STXBP5L: variants seen among roughly 807,000 people sequenced by gnomAD.
STXBP5L encodes the protein syntaxin binding protein 5L.
In STXBP5L, 65 loss-of-function variants were observed where a neutral mutation model predicts 144.5. That is an observed-to-expected ratio of 0.45 (90% CI 0.37 to 0.55). The LOEUF (loss-of-function observed/expected upper bound fraction) is 0.55, where lower values mean the gene tolerates loss of function less well. Among genes scored for constraint, STXBP5L ranks in the 20% least tolerant of loss-of-function variants. STXBP5L has a pLI of 0.00. For missense variants in STXBP5L, 1,298 were observed against 1,405.5 expected (o/e 0.92, Z 1.22); for synonymous variants, 505 against 469.6 (o/e 1.08, Z -0.97).
chr3:121,212,199 A>T (rs535077472), intron 10 of STXBP5L, among the ~76,000 whole-genome samples: 1 of 152,030 alleles, frequency 6.6e-6, no homozygotes, highest in Non-Finnish European at 1.5e-5. Flanking sequence ...CTTTTGCTGT[A>T]CAGAAGATCT....
At chr3:120,960,245 A>G (rs1203748490) in intron 3 of STXBP5L, among the ~76,000 whole-genome samples, 1 of 152,210 alleles carries the variant, frequency 6.6e-6, no homozygotes, top group African/African-American at 2.4e-5. Flanking sequence ...CAATCATTAA[A>G]AAGTCAGGAA....
chr3:121,092,203 A>G (rs958845216), intron 5 of STXBP5L, among the ~76,000 whole-genome samples: 4 of 151,924 alleles, frequency 2.6e-5, no homozygotes, highest in South Asian at 2.1e-4. Flanking sequence ...GTCAGGTAGC[A>G]TGATGCCTCC....
chr3:121,330,192 C>A (rs1559982314), intron 20 of STXBP5L, among the ~76,000 whole-genome samples: 1 of 152,182 alleles, frequency 6.6e-6, no homozygotes. Flanking sequence ...CTTCTGAGTG[C>A]AGACTGCTCA....
At chr3:120,954,820 TG>T in intron 2 of STXBP5L, 119 bp from the exon 3 acceptor site, 1 of 659,446 alleles carries the variant, frequency 1.5e-6, no homozygotes, top group Non-Finnish European at 2.4e-6. Flanking sequence ...TAATGTTTGG[TG>T]GTAGCTTTTT....
At chr3:121,006,339 T>C (rs983274230) in intron 3 of STXBP5L, among the ~76,000 whole-genome samples, 1 of 152,132 alleles carries the variant, frequency 6.6e-6, no homozygotes, top group South Asian at 2.1e-4. Flanking sequence ...TCTTTGTTGG[T>C]TTAAAGTCTG....
At chr3:120,927,632 G>A (rs923425954) in intron 2 of STXBP5L, among the ~76,000 whole-genome samples, 1 of 152,216 alleles carries the variant, frequency 6.6e-6, no homozygotes, top group Non-Finnish European at 1.5e-5. Flanking sequence ...ATTGGTGTGA[G>A]TGGGATCACA....
chr3:120,953,057 C>T (rs1038639199), intron 2 of STXBP5L, among the ~76,000 whole-genome samples: 1 of 151,984 alleles, frequency 6.6e-6, no homozygotes, highest in Non-Finnish European at 1.5e-5. Context: ...GCCTTGACCT[C>T]CCAAAGTGCT....
At chr3:120,953,467 T>C (rs1187570584) in intron 2 of STXBP5L, among the ~76,000 whole-genome samples, 2 of 151,306 alleles carry the variant, frequency 1.3e-5, no homozygotes, top group Non-Finnish European at 2.9e-5. Flanking sequence ...TAGCTGGGAC[T>C]GCAGGTGTGC....
chr3:121,288,808 T>TA lies in STXBP5L; in HGVS notation c.2110+8853dup, dbSNP rs572387608. Among the ~76,000 whole-genome samples the TA allele has an allele frequency of 2.0e-5, 3 of 152,334 alleles. No homozygotes were observed. The South Asian group carries it at 6.2e-4, about 32-fold the overall frequency. ...GAAGGTTGTCTGTATACTCTGTTGA[T>TA]AGTTTTTATAGCTGTGCTCAAGCTA... is the stretch of plus-strand genomic sequence containing the variant. On this transcript the variant is annotated intron_variant, in intron 19 of 26. Transcript: ENST00000471454.
rs528967260 is a variant in STXBP5L, at chr3:121,316,609, C to T, written c.2111-1866C>T. On this transcript the variant is annotated intron_variant, in intron 19 of 26. Coordinates refer to ENST00000471454, the MANE Select transcript of STXBP5L (RefSeq NM_001308330.2). ...CTAATTATATTGGTAGGTGGGAAAACGATAATTTATATAAAGTATTTAGCG... is the reference window on the plus strand; with the variant it reads ...CTAATTATATTGGTAGGTGGGAAAATGATAATTTATATAAAGTATTTAGCG... Among the ~76,000 whole-genome samples the T allele has an allele frequency of 1.3e-4, 20 of 152,054 alleles. No individual in the cohort carries two copies. In the East Asian group the frequency reaches 1.4e-3, roughly 10 times the overall value.
intron 3 of STXBP5L, among the ~76,000 whole-genome samples, chr3:121,034,962 T>C (rs74873059): frequency 0.12 from 18,265 of 152,234 alleles, 1,155 homozygotes; most frequent in Non-Finnish European, 0.14. Flanking sequence ...ATTTCTCTAA[T>C]GAATAGTGTT....
chr3:120,957,391 T>C (rs936313597), intron 3 of STXBP5L, among the ~76,000 whole-genome samples: 1 of 152,034 alleles, frequency 6.6e-6, no homozygotes, highest in Non-Finnish European at 1.5e-5. Context: ...TGATTCCCAC[T>C]TGATAATGAT....
intron 3 of STXBP5L, among the ~76,000 whole-genome samples, chr3:121,004,962 G>T (rs919494421): frequency 4.6e-5 from 7 of 152,058 alleles, no homozygotes; most frequent in Middle Eastern, 3.2e-3. Context: ...CCAGTATTTT[G>T]TTGAGGATTT....
chr3:121,284,885 G>A (rs1219316348), intron 19 of STXBP5L, among the ~76,000 whole-genome samples: 1 of 152,074 alleles, frequency 6.6e-6, no homozygotes, highest in Non-Finnish European at 1.5e-5. Flanking sequence ...TTTCCTAAAA[G>A]TCTTCTCTGA....
chr3:121,308,915 A>C (rs1459709594), intron 19 of STXBP5L, among the ~76,000 whole-genome samples: 1 of 152,178 alleles, frequency 6.6e-6, no homozygotes, highest in Non-Finnish European at 1.5e-5. Context: ...ACTGGAATTA[A>C]GTCAGTATAC....
intron 3 of STXBP5L, among the ~76,000 whole-genome samples, chr3:120,978,765 T>A (rs892935103): frequency 1.3e-5 from 2 of 152,192 alleles, no homozygotes; most frequent in Non-Finnish European, 1.5e-5. Context: ...TTCTAACAGA[T>A]GGGACCCTCA....
intron 9 of STXBP5L, among the ~76,000 whole-genome samples, chr3:121,186,264 C>G (rs2047377858): frequency 6.6e-6 from 1 of 152,186 alleles, no homozygotes; most frequent in African/African-American, 2.4e-5. Context: ...TTGACTTCCT[C>G]TTTTCCTAAT....
chr3:121,006,525 TA>T (rs1308447547), intron 3 of STXBP5L, among the ~76,000 whole-genome samples: 1 of 152,220 alleles, frequency 6.6e-6, no homozygotes, highest in Non-Finnish European at 1.5e-5. Flanking sequence ...CCGTGTCTTT[TA>T]ATTGGGGCAT....
chr3:121,199,795 G>T (rs2048067080), intron 9 of STXBP5L, among the ~76,000 whole-genome samples: 1 of 151,972 alleles, frequency 6.6e-6, no homozygotes, highest in Non-Finnish European at 1.5e-5. Flanking sequence ...TTATTGACTT[G>T]TGTATGTTGA....
Sources: gnomAD v4.1 joint callset for allele counts (sites outside exome capture counted in the v4.1 genomes callset) on GRCh38, gnomAD v4.1.1 for gene constraint, MANE v1.5 for transcripts, NCBI Gene and HGNC (gene_info 2026-07-23, HGNC 2026-07-21) for gene names.